The following STIM1 variants were observed in gnomAD, a reference collection of about 807,000 sequenced individuals.
STIM1 encodes the protein stromal interaction molecule 1.
A neutral mutation model predicts 74.7 loss-of-function variants in STIM1; 25 were observed. The ratio of observed to expected loss-of-function variants is 0.33; its 90% CI spans 0.24 to 0.47. The LOEUF (loss-of-function observed/expected upper bound fraction) is 0.47. STIM1 is among the 20% of genes least tolerant of loss of function. STIM1 has a pLI of 1.00. For missense variants in STIM1, 728 were observed against 920.8 expected, an observed-to-expected ratio of 0.79 and a Z score of 2.71; for synonymous variants, 328 against 348.8, an observed-to-expected ratio of 0.94 and a Z score of 0.66.
chr11:4,058,230 A>G (rs2094305986), intron 4 of STIM1, among the ~76,000 whole-genome samples: 2 of 152,210 alleles, frequency 1.3e-5, no homozygotes, highest in African/African-American at 4.8e-5. Flanking sequence ...GGGAGGAACA[A>G]AGCAACTTAT....
At chr11:4,002,352 G>A in intron 2 of STIM1, among the ~76,000 whole-genome samples, 1 of 151,494 alleles carries the variant, frequency 6.6e-6, no homozygotes, top group East Asian at 1.9e-4. Context: ...GCACTCCTCA[G>A]CAAATGTAAA....
At chr11:4,076,972 G>A (rs549916046) in intron 7 of STIM1, among the ~76,000 whole-genome samples, 1 of 151,750 alleles carries the variant, frequency 6.6e-6, no homozygotes, top group African/African-American at 2.4e-5. Context: ...CAGTTAAAAG[G>A]CAAAGATTGT....
chr11:3,939,210 C>CCAT (rs1431385704), intron 1 of STIM1, among the ~76,000 whole-genome samples: 4 of 152,138 alleles, frequency 2.6e-5, no homozygotes, highest in African/African-American at 4.8e-5. Flanking sequence ...TTAGACAGTA[C>CCAT]CATCATGATT....
At chr11:3,941,658 A>C (rs2093008431) in intron 1 of STIM1, among the ~76,000 whole-genome samples, 1 of 28,830 alleles carries the variant, frequency 3.5e-5, no homozygotes, top group African/African-American at 7.7e-5. Flanking sequence ...GTATACATAT[A>C]TATATATATA....
chr11:3,983,088 C>T (rs552885220), intron 2 of STIM1, among the ~76,000 whole-genome samples: 10 of 152,086 alleles, frequency 6.6e-5, no homozygotes, highest in South Asian at 2.1e-4. Flanking sequence ...TGCACCACCA[C>T]GCCTGGCTAA....
intron 1 of STIM1, among the ~76,000 whole-genome samples, chr11:3,916,752 A>AT (rs1223889774): frequency 2.0e-5 from 3 of 151,430 alleles, no homozygotes; most frequent in Admixed American, 6.6e-5. Flanking sequence ...GCGCCCGGCC[A>AT]TTTTTTTGTA....
chr11:3,873,354 G>C (rs1047769963), intron 1 of STIM1, among the ~76,000 whole-genome samples: 1 of 149,762 alleles, frequency 6.7e-6, no homozygotes, highest in Non-Finnish European at 1.5e-5. Flanking sequence ...GGAGGCGTAG[G>C]TTGCAGTGAG....
intron 1 of STIM1, among the ~76,000 whole-genome samples, chr11:3,930,771 G>A (rs1349043400): frequency 6.6e-6 from 1 of 152,128 alleles, no homozygotes; most frequent in Non-Finnish European, 1.5e-5. Flanking sequence ...TCCATGCATG[G>A]GCATTTGGAG....
intron 2 of STIM1, among the ~76,000 whole-genome samples, chr11:3,969,196 C>G (rs1397161406): frequency 6.6e-6 from 1 of 152,128 alleles, no homozygotes; most frequent in Non-Finnish European, 1.5e-5. Flanking sequence ...ATACAGAACT[C>G]CACTGAATCT....
At chr11:3,962,487 T>C (rs2093298049) in intron 1 of STIM1, among the ~76,000 whole-genome samples, 1 of 151,392 alleles carries the variant, frequency 6.6e-6, no homozygotes, top group African/African-American at 2.4e-5. Context: ...ATAAAAATAA[T>C]ATTTTCTTTA....
intron 7 of STIM1, among the ~76,000 whole-genome samples, chr11:4,081,001 G>GTT (rs141589146): frequency 1.3e-5 from 2 of 148,770 alleles, no homozygotes; most frequent in African/African-American, 4.9e-5. Context: ...CTATTTTTAG[G>GTT]TTTTTTTTTT....
intron 1 of STIM1, among the ~76,000 whole-genome samples, chr11:3,933,478 C>T (rs2092895506): frequency 6.6e-6 from 1 of 152,188 alleles, no homozygotes; most frequent in South Asian, 2.1e-4. Context: ...TTAGGTCCAA[C>T]TCTAAAGTCC....
At chr11:3,874,959 T>A (rs966532621) in intron 1 of STIM1, among the ~76,000 whole-genome samples, 2 of 152,078 alleles carry the variant, frequency 1.3e-5, no homozygotes, top group African/African-American at 2.4e-5. Context: ...TTTGTATCTT[T>A]TTTTTTTTTT....
intron 1 of STIM1, among the ~76,000 whole-genome samples, chr11:3,891,186 T>C (rs950616013): frequency 2.0e-5 from 3 of 152,230 alleles, no homozygotes; most frequent in African/African-American, 4.8e-5. Flanking sequence ...TCTAAAGTCA[T>C]GTGTCTAGTA....
intron 1 of STIM1, among the ~76,000 whole-genome samples, chr11:3,868,861 T>A (rs368440421): frequency 3.0e-4 from 46 of 152,352 alleles, no homozygotes; most frequent in Non-Finnish European, 5.6e-4. Context: ...TTATGTGTTA[T>A]AAGACAATCC....
chr11:4,066,517 A>G (rs2094366565), intron 5 of STIM1, among the ~76,000 whole-genome samples: 1 of 152,100 alleles, frequency 6.6e-6, no homozygotes, highest in Non-Finnish European at 1.5e-5. Flanking sequence ...CCTGGCCCTG[A>G]GGAACTCACA....
intron 2 of STIM1, among the ~76,000 whole-genome samples, chr11:3,998,784 T>C (rs2093685104): frequency 6.6e-6 from 1 of 151,616 alleles, no homozygotes; most frequent in Admixed American, 6.6e-5. Context: ...TTTTATTTAA[T>C]AGACAAAGAG....
chr11:3,914,823 C>T (rs563913628), intron 1 of STIM1, among the ~76,000 whole-genome samples: 1 of 152,268 alleles, frequency 6.6e-6, no homozygotes, highest in East Asian at 1.9e-4. Flanking sequence ...TGAGGAACCA[C>T]CAAACTGTTT....
chr11:3,990,081 G>A (rs532604380), intron 2 of STIM1, among the ~76,000 whole-genome samples: 21 of 152,192 alleles, frequency 1.4e-4, no homozygotes, highest in Admixed American at 9.8e-4. Context: ...AAGCAACCAC[G>A]AATCTACTTT....
Sources: gnomAD v4.1 joint callset for allele counts (sites outside exome capture counted in the v4.1 genomes callset) on GRCh38, gnomAD v4.1.1 for gene constraint, MANE v1.5 for transcripts, NCBI Gene and HGNC (gene_info 2026-07-23, HGNC 2026-07-21) for gene names.